TAOK3: variants seen among roughly 807,000 people sequenced by gnomAD.
TAOK3 encodes TAO kinase 3.
In TAOK3, 40 loss-of-function variants were observed where a neutral mutation model predicts 120.4. That is an observed-to-expected ratio of 0.33 (90% confidence interval 0.26 to 0.43). The LOEUF (loss-of-function observed/expected upper bound fraction) is 0.43. TAOK3 is among the 20% of genes least tolerant of loss of function. TAOK3 has a pLI of 1.00. For missense variants in TAOK3, 821 were observed against 1,112.1 expected, an observed-to-expected ratio of 0.74 and a Z score of 3.72; for synonymous variants, 355 against 387.5, an observed-to-expected ratio of 0.92 and a Z score of 0.99.
At chr12:118,246,286 G>T in intron 3 of TAOK3, 1 of 1,553,626 alleles carries the variant, frequency 6.4e-7, no homozygotes, top group South Asian at 1.1e-5. Context: ...AAGTTGGGCC[G>T]CTTGGTCAAG....
At chr12:118,293,461 A>C (rs891967800) in intron 1 of TAOK3, among the ~76,000 whole-genome samples, 1 of 148,058 alleles carries the variant, frequency 6.8e-6, no homozygotes, top group African/African-American at 2.5e-5. Context: ...GGTGGATCAC[A>C]AGGTCAGGAG....
chr12:118,266,293 A>G (rs908038300), intron 2 of TAOK3, among the ~76,000 whole-genome samples: 1 of 152,044 alleles, frequency 6.6e-6, no homozygotes, highest in Non-Finnish European at 1.5e-5. Flanking sequence ...CCTGGGTTCA[A>G]CCAATTCTCC....
intron 13 of TAOK3, among the ~76,000 whole-genome samples, chr12:118,193,577 C>T (rs566824225): frequency 1.1e-4 from 17 of 151,930 alleles, no homozygotes; most frequent in African/African-American, 2.2e-4. Flanking sequence ...AATGAAGGTT[C>T]GTGGTTAGGC....
intron 19 of TAOK3, among the ~76,000 whole-genome samples, chr12:118,156,228 C>T (rs912324762): frequency 6.6e-6 from 1 of 152,172 alleles, no homozygotes; most frequent in Non-Finnish European, 1.5e-5. Context: ...CTACTTCTAC[C>T]GCTCACATTA....
At chr12:118,336,625 C>A (rs928959387) in intron 1 of TAOK3, among the ~76,000 whole-genome samples, 9 of 152,030 alleles carry the variant, frequency 5.9e-5, no homozygotes, top group African/African-American at 2.2e-4. Context: ...TTTAAAACCA[C>A]TGCTCTGCAA....
chr12:118,264,944 G>T (rs77735015), intron 2 of TAOK3, among the ~76,000 whole-genome samples: 3,096 of 152,060 alleles, frequency 0.02, 108 homozygotes, highest in African/African-American at 0.071. Context: ...TAAAGTGAGA[G>T]AATTCTTTTA....
intron 5 of TAOK3, among the ~76,000 whole-genome samples, chr12:118,241,103 T>C (rs1368986889): frequency 6.6e-6 from 1 of 150,434 alleles, no homozygotes; most frequent in African/African-American, 2.4e-5. Context: ...TGATTATGTC[T>C]TATATTTTAT....
chr12:118,269,585 G>A (rs934235248), intron 1 of TAOK3, among the ~76,000 whole-genome samples: 2 of 151,904 alleles, frequency 1.3e-5, no homozygotes, highest in East Asian at 1.9e-4. Flanking sequence ...GGCCAGGCTG[G>A]TCTCAAACTC....
intron 5 of TAOK3, among the ~76,000 whole-genome samples, chr12:118,241,089 C>A (rs954583238): frequency 6.7e-6 from 1 of 149,586 alleles, no homozygotes; most frequent in Non-Finnish European, 1.5e-5. Flanking sequence ...TTATATATTA[C>A]ATATGATTAT....
chr12:118,286,174 C>T (rs1421967162), intron 1 of TAOK3, among the ~76,000 whole-genome samples: 1 of 152,102 alleles, frequency 6.6e-6, no homozygotes, highest in East Asian at 1.9e-4. Flanking sequence ...CTTTATAATC[C>T]GAATTTTAGA....
At position 118,196,275 on chromosome 12, in the gene TAOK3, T is replaced by C. The variant is rs567051606; in HGVS notation, c.1194+2776A>G. Among the ~76,000 whole-genome samples the C allele has an allele frequency of 2.0e-5, 3 of 152,246 alleles. No homozygotes were observed. The South Asian group carries it at 6.2e-4, about 32-fold the overall frequency. On this transcript the variant is annotated intron_variant, in intron 13 of 20. Coordinates refer to ENST00000392533, the MANE Select transcript of TAOK3 (RefSeq NM_016281.4). ...TGCTAAAATCAGGGCATCTTTATTC[T>C]GGAAGCAGAGCAGTTAAGTGCAAGT... is the stretch of plus-strand genomic sequence containing the variant.
chr12:118,238,238 C>A, intron 6 of TAOK3, 69 bp from the exon 7 acceptor site: 1 of 871,710 alleles, frequency 1.1e-6, no homozygotes, highest in Non-Finnish European at 1.8e-6. Context: ...TTTTATACAG[C>A]TATACCAGAC....
intron 14 of TAOK3, among the ~76,000 whole-genome samples, chr12:118,188,491 A>G (rs1367096857): frequency 6.6e-6 from 1 of 152,232 alleles, no homozygotes; most frequent in East Asian, 1.9e-4. Context: ...AAACTTCTAC[A>G]TAAAGGAACT....
chr12:118,285,133 ATC>A (rs1191731565), intron 1 of TAOK3, among the ~76,000 whole-genome samples: 1 of 151,942 alleles, frequency 6.6e-6, no homozygotes, highest in Non-Finnish European at 1.5e-5. Context: ...ATCTATATAT[ATC>A]TATATATATA....
At chr12:118,296,524 C>CG (rs1160378078) in intron 1 of TAOK3, among the ~76,000 whole-genome samples, 3 of 152,098 alleles carry the variant, frequency 2.0e-5, no homozygotes, top group Non-Finnish European at 2.9e-5. Flanking sequence ...AAGAATGGGA[C>CG]GGGGGAGACT....
At chr12:118,327,135 A>G (rs2043966391) in intron 1 of TAOK3, among the ~76,000 whole-genome samples, 1 of 152,222 alleles carries the variant, frequency 6.6e-6, no homozygotes, top group African/African-American at 2.4e-5. Flanking sequence ...ATAAGCAAGG[A>G]AGCAAAATAA....
At chr12:118,337,735 T>C (rs908713270) in intron 1 of TAOK3, among the ~76,000 whole-genome samples, 2 of 152,130 alleles carry the variant, frequency 1.3e-5, no homozygotes, top group African/African-American at 4.8e-5. Context: ...AACAGATTAG[T>C]GGTTGCCAGG....
chr12:118,243,591 T>C (rs1338147451), intron 4 of TAOK3, 75 bp from the exon 5 acceptor site: 2 of 521,510 alleles, frequency 3.8e-6, no homozygotes, highest in South Asian at 3.5e-5. Flanking sequence ...AGTATACGTA[T>C]ATATCATTTA....
intron 1 of TAOK3, among the ~76,000 whole-genome samples, chr12:118,364,356 C>T (rs568715658): frequency 7.0e-4 from 106 of 152,040 alleles, no homozygotes; most frequent in African/African-American, 2.2e-3. Flanking sequence ...TTAAGGCCCT[C>T]GTAAGATCCT....
Sources: gnomAD v4.1 joint callset for allele counts (sites outside exome capture counted in the v4.1 genomes callset) on GRCh38, gnomAD v4.1.1 for gene constraint, MANE v1.5 for transcripts, NCBI Gene and HGNC (gene_info 2026-07-23, HGNC 2026-07-21) for gene names.